RNF122: variants seen among roughly 807,000 people sequenced by gnomAD.
RNF122 encodes ring finger protein 122.
In RNF122, 17 loss-of-function variants were observed where a neutral mutation model predicts 24.2. That is an observed-to-expected ratio of 0.70 (90% CI 0.48 to 1.06). The LOEUF (loss-of-function observed/expected upper bound fraction) is 1.06. Among genes scored for constraint, RNF122 ranks in the 50% least tolerant of loss-of-function variants. The pLI, the probability that RNF122 is intolerant of heterozygous loss-of-function variation, is 0.00. For missense variants in RNF122, 168 were observed against 198.1 expected (o/e 0.85, Z 0.91); for synonymous variants, 65 against 71.8 (o/e 0.91, Z 0.48).
intron 1 of RNF122, among the ~76,000 whole-genome samples, chr8:33,565,060 G>C (rs934810095): frequency 6.6e-6 from 1 of 152,096 alleles, no homozygotes; most frequent in African/African-American, 2.4e-5. Flanking sequence ...TGGCAGGCTG[G>C]GAGCAGGAAT....
At chr8:33,559,494 C>T (rs1810507621) in intron 1 of RNF122, among the ~76,000 whole-genome samples, 1 of 152,004 alleles carries the variant, frequency 6.6e-6, no homozygotes, top group Admixed American at 6.6e-5. Context: ...TATATGAAAA[C>T]AAGCAAAATA....
chr8:33,549,693 T>C (rs1424043646), intron 4 of RNF122, among the ~76,000 whole-genome samples: 1 of 152,148 alleles, frequency 6.6e-6, no homozygotes, highest in African/African-American at 2.4e-5. Context: ...CAAAATTAGA[T>C]GAAATTATAA....
At position 33,549,143 on chromosome 8, in the gene RNF122, C is replaced by A. The variant is rs562903260; in HGVS notation, c.353+267G>T. Reference sequence around the variant, plus strand: ...GGCTGAGGCAGGAGAATCGCTTGAACCTGGGAGGCAGAGGTTGCAGTGAGC... The same window carrying A: ...GGCTGAGGCAGGAGAATCGCTTGAAACTGGGAGGCAGAGGTTGCAGTGAGC... On this transcript the variant is annotated intron_variant, in intron 5 of 5. Coordinates refer to ENST00000256257, the MANE Select transcript of RNF122 (RefSeq NM_024787.3). 2.7e-4 allele frequency among the ~76,000 whole-genome samples: 40 copies of A among 150,862 alleles called. No homozygotes were observed. In the South Asian group the frequency reaches 7.7e-3, roughly 29 times the overall value.
intron 1 of RNF122, among the ~76,000 whole-genome samples, chr8:33,562,538 CAA>C (rs33948081): frequency 1.5e-5 from 2 of 131,050 alleles, no homozygotes; most frequent in Admixed American, 8.2e-5. Context: ...GACCTTGTCT[CAA>C]AAAAAAAAAA....
At chr8:33,556,000 G>A (rs145483239) in intron 2 of RNF122, among the ~76,000 whole-genome samples, 16 of 151,748 alleles carry the variant, frequency 1.1e-4, no homozygotes, top group East Asian at 3.9e-4. Flanking sequence ...AAACCTCATC[G>A]CTACAAAAAA....
chr8:33,564,385 A>G (rs1374126354), intron 1 of RNF122, among the ~76,000 whole-genome samples: 1 of 110,802 alleles, frequency 9.0e-6, no homozygotes, highest in Non-Finnish European at 1.8e-5. Flanking sequence ...CTATCCCCAA[A>G]AAGTAGATTA....
At chr8:33,564,091 T>G (rs1337599880) in intron 1 of RNF122, among the ~76,000 whole-genome samples, 1 of 152,190 alleles carries the variant, frequency 6.6e-6, no homozygotes, top group Non-Finnish European at 1.5e-5. Context: ...AATAGTCTAC[T>G]GGTCAAAAGC....
In RNF122 at chr8:33,549,491, T is replaced by C. The variant is rs1240469190; in HGVS notation, c.272A>G (p.Gln91Arg). Residue 91 changes from glutamine to arginine, a missense_variant and splice_region_variant, in exon 5 of 6, where the codon CAG becomes CGG. Gln to Arg is a conservative substitution (Grantham distance 43, BLOSUM62 1). Coordinates refer to ENST00000256257, the MANE Select transcript of RNF122 (RefSeq NM_024787.3). ...GDAKKLQLYG[Q>R]TCAVCLEDFK... ...GTCTTCCAGACAGACTGCGCAGGTC[T>C]GCTGCAGAGAGAAAAGAGCAGGTGT... 9.9e-6 allele frequency: 16 copies of C among 1,613,392 alleles called. No homozygotes were observed. The highest frequency in any genetic ancestry group is 1.4e-5 in the Non-Finnish European group (16 of 1,179,304).
At chr8:33,554,805 T>G (rs1183063298) in intron 2 of RNF122, among the ~76,000 whole-genome samples, 1 of 152,174 alleles carries the variant, frequency 6.6e-6, no homozygotes, top group East Asian at 1.9e-4. Context: ...TTCCTGCCTA[T>G]TTGTACTTCC....
intron 1 of RNF122, among the ~76,000 whole-genome samples, chr8:33,559,250 G>A (rs1472664169): frequency 2.0e-5 from 3 of 152,006 alleles, no homozygotes; most frequent in East Asian, 1.9e-4. Flanking sequence ...AGGCTGCAAT[G>A]AGCGGTGATT....
rs1810633675 is a variant in RNF122, at chr8:33,566,809, G to A, written c.-86C>T. On this transcript the variant is annotated 5_prime_UTR_variant, in exon 1 of 6. Coordinates refer to ENST00000256257, the MANE Select transcript of RNF122 (RefSeq NM_024787.3). The stretch of plus-strand genomic sequence containing the variant: ...GGGTGGGAGCACTAGCGGCGTGAGG[G>A]GCCGCAGGCGGGGTCGGGGCAGCGC... 2.0e-6 allele frequency: 3 copies of A among 1,472,910 alleles called. No homozygotes were observed. The highest frequency in any genetic ancestry group is 4.8e-5 in the East Asian group (2 of 41,368). 91.2% of individuals were successfully genotyped at this position (1,472,910 alleles called of 1,614,324 possible).
intron 1 of RNF122, among the ~76,000 whole-genome samples, chr8:33,563,516 CT>C (rs1436671822): frequency 1.3e-5 from 2 of 152,176 alleles, no homozygotes; most frequent in African/African-American, 4.8e-5. Context: ...CAGGAAGTTC[CT>C]TGTGTCTAGG....
rs536644627 is a variant in RNF122 at position 33,554,717 on chromosome 8, G to A, written c.183-3328C>T. 4.6e-5 allele frequency among the ~76,000 whole-genome samples: 7 copies of A among 152,320 alleles called. No individual in the cohort carries two copies. In the South Asian group the frequency reaches 6.2e-4, roughly 14 times the overall value. On this transcript the variant is annotated intron_variant, in intron 2 of 5. Coordinates refer to ENST00000256257, the MANE Select transcript of RNF122 (RefSeq NM_024787.3). ...GATTTCAATGAGACCATTTCTAGCC[G>A]CTGCCAGTGGGCTCTCCCTTTCCTC...
At chr8:33,549,555 G>C in intron 4 of RNF122, 63 bp from the exon 5 acceptor site, 3 of 1,314,680 alleles carry the variant, frequency 2.3e-6, no homozygotes, top group Non-Finnish European at 3.3e-6. Flanking sequence ...TTCAACCCCA[G>C]ACAAGAAAAC....
intron 1 of RNF122, among the ~76,000 whole-genome samples, chr8:33,563,962 T>C (rs977944771): frequency 1.3e-5 from 2 of 152,088 alleles, no homozygotes; most frequent in African/African-American, 4.8e-5. Context: ...GGCTTCCCCT[T>C]TATCTCCCAC....
In RNF122 at chr8:33,560,609, C is replaced by T. The variant is rs1810526838; in HGVS notation, c.26-1838G>A. ...TCAGAGACACCTAGAATTGTGATAGCCAAGCTGTAGCTGGAAAGAGCAGCT... is the reference window on the plus strand; with the variant it reads ...TCAGAGACACCTAGAATTGTGATAGTCAAGCTGTAGCTGGAAAGAGCAGCT... On this transcript the variant is annotated intron_variant, in intron 1 of 5. Coordinates refer to ENST00000256257, the MANE Select transcript of RNF122 (RefSeq NM_024787.3). Among the ~76,000 whole-genome samples the T allele has an allele frequency of 1.3e-5, 2 of 151,760 alleles. 1 individual carries two copies. Among genetic ancestry groups the T allele is most frequent in the South Asian group, 4.2e-4 (2 of 4,808 alleles).
At chr8:33,563,648 A>G (rs1288008255) in intron 1 of RNF122, among the ~76,000 whole-genome samples, 2 of 152,174 alleles carry the variant, frequency 1.3e-5, no homozygotes, top group African/African-American at 4.8e-5. Flanking sequence ...GGCTAGAGTG[A>G]CAAACTTCAG....
At chr8:33,560,319 G>C (rs1810521768) in intron 1 of RNF122, among the ~76,000 whole-genome samples, 1 of 152,098 alleles carries the variant, frequency 6.6e-6, no homozygotes, top group Non-Finnish European at 1.5e-5. Context: ...TGTTCAGGTG[G>C]GTACGTAACC....
chr8:33,563,117 G>GGA (rs1554533138), intron 1 of RNF122, among the ~76,000 whole-genome samples: 1 of 135,320 alleles, frequency 7.4e-6, no homozygotes, highest in Non-Finnish European at 1.6e-5. Flanking sequence ...AAGAAAAAAA[G>GGA]AAAAAAAAAA....
Sources: gnomAD v4.1 joint callset for allele counts (sites outside exome capture counted in the v4.1 genomes callset) on GRCh38, gnomAD v4.1.1 for gene constraint, MANE v1.5 for transcripts, NCBI Gene and HGNC (gene_info 2026-07-23, HGNC 2026-07-21) for gene names.